The following DCHS2 variants were observed in gnomAD, a reference collection of about 807,000 sequenced individuals.
DCHS2 encodes protocadherin-23.
DCHS2 carries 142 observed loss-of-function variants against 182.4 expected under a neutral mutation model. That is an observed-to-expected ratio of 0.78 (90% CI 0.68 to 0.89). The LOEUF is 0.89. DCHS2 is among the 40% of genes least tolerant of loss of function. DCHS2 has a pLI of 0.00. For synonymous variants in DCHS2, 1,740 were observed against 1,663.3 expected (o/e 1.05, Z -1.12); for missense variants, 4,319 against 4,198.6 (o/e 1.03, Z -0.79).
intron 7 of DCHS2, among the ~76,000 whole-genome samples, chr4:154,326,180 G>A (rs559913846): frequency 5.9e-5 from 9 of 152,156 alleles, no homozygotes; most frequent in Non-Finnish European, 8.8e-5. Context: ...ATTGTTCTTC[G>A]AAGTCGTCAC....
At chr4:154,436,014 C>G (rs967814290) in intron 1 of DCHS2, among the ~76,000 whole-genome samples, 6 of 152,202 alleles carry the variant, frequency 3.9e-5, no homozygotes, top group African/African-American at 1.4e-4. Flanking sequence ...TTGTAAACCT[C>G]TCTGCTTCTT....
At chr4:154,394,884 T>C (rs1426426906) in intron 1 of DCHS2, among the ~76,000 whole-genome samples, 1 of 152,214 alleles carries the variant, frequency 6.6e-6, no homozygotes, top group Admixed American at 6.5e-5. Context: ...GCCAATTATT[T>C]GGCAAGTCAA....
At chr4:154,252,998 G>A (rs991463599) in intron 16 of DCHS2, among the ~76,000 whole-genome samples, 6 of 151,106 alleles carry the variant, frequency 4.0e-5, no homozygotes, top group Admixed American at 1.3e-4. Context: ...TTCACTAAAG[G>A]TGTAGCAGAC....
intron 1 of DCHS2, among the ~76,000 whole-genome samples, chr4:154,459,734 T>TTCTCTCTCTCTCTC (rs60259256): frequency 7.4e-5 from 10 of 135,260 alleles, no homozygotes; most frequent in African/African-American, 3.0e-4. Context: ...TATCTACACA[T>TTCTCTCTCTCTCTC]TCTCTCTCTC....
intron 1 of DCHS2, chr4:154,391,349 T>G (rs1335390873): frequency 6.5e-7 from 1 of 1,545,342 alleles, no homozygotes; most frequent in Non-Finnish European, 8.7e-7. Flanking sequence ...GTCTCTGGCA[T>G]GAACCCTTTC....
intron 12 of DCHS2, 106 bp from the exon 13 acceptor site, chr4:154,298,814 T>C (rs1050510788): frequency 1.4e-5 from 20 of 1,400,966 alleles, no homozygotes; most frequent in Non-Finnish European, 1.8e-5. Context: ...ATATATTTAT[T>C]CCCGATTATA....
intron 1 of DCHS2, among the ~76,000 whole-genome samples, chr4:154,379,592 G>T (rs534089416): frequency 6.6e-6 from 1 of 152,128 alleles, no homozygotes; most frequent in Non-Finnish European, 1.5e-5. Flanking sequence ...TGGCTGTCTT[G>T]CATATATTTG....
At chr4:154,255,755 G>T in intron 15 of DCHS2, 85 bp from the exon 16 acceptor site, 1 of 1,437,172 alleles carries the variant, frequency 7.0e-7, no homozygotes, top group South Asian at 1.7e-5. Context: ...CATTAAGAAA[G>T]AATCACAGCT....
At chr4:154,426,544 C>T (rs1035855156) in intron 1 of DCHS2, among the ~76,000 whole-genome samples, 4 of 152,058 alleles carry the variant, frequency 2.6e-5, no homozygotes, top group African/African-American at 9.7e-5. Context: ...GAGAAAAATG[C>T]CATGTAATCA....
At chr4:154,488,006 C>G (rs945297785) in intron 1 of DCHS2, among the ~76,000 whole-genome samples, 2 of 152,050 alleles carry the variant, frequency 1.3e-5, no homozygotes, top group Admixed American at 6.6e-5. Context: ...AGCTGGACCT[C>G]GTCCCTACAC....
Position 154,236,636 on chromosome 4 carries a change from G to A in DCHS2, c.8016C>T (p.Thr2672=). Residue 2672 remains threonine, a synonymous_variant, in exon 20 of 20, where the codon ACC becomes ACT. Transcript: ENST00000357232. ...PPNFSSLSYH[T]HVKESTPLGS... ...CTAGAGGGGTGCTTTCCTTGACATG[G>A]GTGTGATAGCTCAGGCTGCTGAAGT... is the stretch of plus-strand genomic sequence containing the variant. The A allele has an allele frequency of 6.2e-7, 1 of 1,614,004 alleles. No homozygotes were observed. The highest frequency in any genetic ancestry group is 8.5e-7 in the Non-Finnish European group (1 of 1,179,944).
intron 1 of DCHS2, among the ~76,000 whole-genome samples, chr4:154,456,989 A>G (rs942191316): frequency 5.3e-5 from 8 of 152,216 alleles, no homozygotes; most frequent in Non-Finnish European, 1.2e-4. Flanking sequence ...ATACTAAAAT[A>G]TAACTGCAAC....
chr4:154,482,965 G>A (rs1490148167), intron 1 of DCHS2, among the ~76,000 whole-genome samples: 1 of 152,196 alleles, frequency 6.6e-6, no homozygotes, highest in Non-Finnish European at 1.5e-5. Flanking sequence ...GAGATGCTTA[G>A]ATGAATACAA....
chr4:154,319,656 T>TAA (rs59154846), intron 9 of DCHS2, among the ~76,000 whole-genome samples: 2,235 of 116,796 alleles, frequency 0.019, 32 homozygotes, highest in Middle Eastern at 0.031. Flanking sequence ...TGGCTGTTAC[T>TAA]AAAAAAAAAA....
Position 154,259,500 on chromosome 4 carries a change from C to CACACACACACACACA in DCHS2, c.6789+44_6789+45insTGTGTGTGTGTGTGT, listed in dbSNP as rs537383748. The CACACACACACACACA allele has an allele frequency of 5.0e-6, 7 of 1,410,948 alleles. No individual in the cohort carries two copies. In the African/African-American group the frequency reaches 1.0e-4, roughly 20 times the overall value. 87.4% of individuals were successfully genotyped at this position (1,410,948 alleles called of 1,614,324 possible). On this transcript the variant is annotated intron_variant, in intron 15 of 19. Transcript: ENST00000357232. Reference sequence around the variant, plus strand: ...CTCTCTCTCTCTCACACAGACACACCCACACACACACACACACACACACAC... The same window carrying CACACACACACACACA: ...CTCTCTCTCTCTCACACAGACACACCACACACACACACACACACACACACACACACACACACACAC...
Position 154,489,834 on chromosome 4 carries a change from G to T in DCHS2, c.1522C>A (p.Leu508Ile). The change falls in exon 1 of 20, where the codon CTA becomes ATA. Residue 508 changes from leucine (L) to isoleucine (I), a missense_variant. Leu to Ile is a conservative substitution (Grantham distance 5, BLOSUM62 2). Transcript: ENST00000357232. ...GACCCCGCGTCCGTGGCCACCAGTA[G>T]TAACTCATACAGATCGCGGCTCTCT... is the stretch of plus-strand genomic sequence containing the variant. ...DRESRDLYELLLVATDAGSPP... is the reference protein window; with the variant it reads ...DRESRDLYELILVATDAGSPP... 6.4e-7 allele frequency: 1 copy of T among 1,551,324 alleles called. No individual in the cohort carries two copies. Among genetic ancestry groups the T allele is most frequent in the Non-Finnish European group, 8.7e-7 (1 of 1,146,800 alleles).
intron 3 of DCHS2, among the ~76,000 whole-genome samples, chr4:154,336,728 T>A (rs2111374600): frequency 6.6e-6 from 1 of 152,312 alleles, no homozygotes; most frequent in East Asian, 1.9e-4. Context: ...TTTCCTTTTT[T>A]CCCCAGCTTT....
intron 13 of DCHS2, among the ~76,000 whole-genome samples, chr4:154,273,346 T>C (rs548812832): frequency 6.6e-6 from 1 of 152,220 alleles, no homozygotes; most frequent in East Asian, 1.9e-4. Flanking sequence ...CTAAGTGAAG[T>C]AACTCAGGAA....
chr4:154,409,942 T>C (rs779821598), intron 1 of DCHS2, among the ~76,000 whole-genome samples: 7 of 152,162 alleles, frequency 4.6e-5, no homozygotes, highest in Admixed American at 6.5e-5. Flanking sequence ...GCACAGATGC[T>C]ATACCACTGC....
Sources: allele counts gnomAD v4.1 joint callset (sites outside exome capture counted in the v4.1 genomes callset), GRCh38; gene constraint gnomAD v4.1.1; transcripts MANE v1.5; gene names NCBI Gene and HGNC (gene_info 2026-07-23, HGNC 2026-07-21).